Variants in NCAM1 observed in about 807,000 individuals in gnomAD.
The protein encoded by NCAM1 is neural cell adhesion molecule 1.
NCAM1 carries 14 observed loss-of-function variants against 109.8 expected under a neutral mutation model. That is an observed-to-expected ratio of 0.13 (90% CI 0.08 to 0.20). The LOEUF is 0.20. Ranked by LOEUF, NCAM1 falls within the 10% of genes least tolerant of loss-of-function variation. The pLI is 1.00. For missense variants in NCAM1, 774 were observed against 1,109.9 expected (o/e 0.70, Z 4.30); for synonymous variants, 418 against 442.9 (o/e 0.94, Z 0.70).
At chr11:113,064,892 A>T (rs1937874967) in intron 1 of NCAM1, among the ~76,000 whole-genome samples, 1 of 152,238 alleles carries the variant, frequency 6.6e-6, no homozygotes, top group South Asian at 2.1e-4. Context: ...ATTTATAGGT[A>T]TGTGTATATA....
At chr11:113,194,553 GT>G (rs1360385520) in intron 1 of NCAM1, among the ~76,000 whole-genome samples, 1 of 152,132 alleles carries the variant, frequency 6.6e-6, no homozygotes, top group Non-Finnish European at 1.5e-5. Flanking sequence ...AGTGCATTTG[GT>G]TTAGAGATGT....
chr11:113,008,984 G>A (rs892477163), intron 1 of NCAM1, among the ~76,000 whole-genome samples: 2 of 152,154 alleles, frequency 1.3e-5, no homozygotes, highest in Admixed American at 6.5e-5. Context: ...TTTTCTGACC[G>A]ATCTCCCATG....
At chr11:112,999,561 A>G (rs1206082190) in intron 1 of NCAM1, among the ~76,000 whole-genome samples, 1 of 152,130 alleles carries the variant, frequency 6.6e-6, no homozygotes, top group Non-Finnish European at 1.5e-5. Flanking sequence ...TGTTTTGCAG[A>G]GATTTTTTTT....
At chr11:113,034,916 T>G (rs1355914935) in intron 1 of NCAM1, among the ~76,000 whole-genome samples, 1 of 152,190 alleles carries the variant, frequency 6.6e-6, no homozygotes, top group Non-Finnish European at 1.5e-5. Flanking sequence ...AAATATTCTG[T>G]TATTATCATA....
At chr11:113,103,763 A>C (rs1288195178) in intron 1 of NCAM1, among the ~76,000 whole-genome samples, 1 of 152,174 alleles carries the variant, frequency 6.6e-6, no homozygotes, top group Non-Finnish European at 1.5e-5. Context: ...TCTCTGCCAC[A>C]GCTGCTCAAC....
intron 1 of NCAM1, among the ~76,000 whole-genome samples, chr11:113,123,880 C>T (rs1311096100): frequency 3.9e-5 from 6 of 152,178 alleles, no homozygotes; most frequent in African/African-American, 1.4e-4. Flanking sequence ...TTGGGAAGCT[C>T]GCTCATCCTA....
intron 17 of NCAM1, among the ~76,000 whole-genome samples, chr11:113,262,590 C>T (rs1251176880): frequency 6.6e-6 from 1 of 152,218 alleles, no homozygotes; most frequent in African/African-American, 2.4e-5. Context: ...TGAACCCTCT[C>T]TAACCTTTGT....
intron 1 of NCAM1, among the ~76,000 whole-genome samples, chr11:113,011,930 T>C (rs1555074454): frequency 6.6e-6 from 1 of 151,902 alleles, no homozygotes; most frequent in Non-Finnish European, 1.5e-5. Flanking sequence ...TCTTTCCTTC[T>C]TTCCTTCTCT....
intron 1 of NCAM1, among the ~76,000 whole-genome samples, chr11:112,985,198 A>G (rs1009276522): frequency 6.6e-6 from 1 of 150,918 alleles, no homozygotes; most frequent in African/African-American, 2.4e-5. Flanking sequence ...ATGTAATGCC[A>G]CATATCCTTG....
In NCAM1 at chr11:112,963,698, G is replaced by A. The variant is rs1266378043; in HGVS notation, c.52+2034G>A. On this transcript the variant is annotated intron_variant, in intron 1 of 19. Transcript: ENST00000316851. This position sits in a 1 kb window ranked among gnomAD's most constrained non-coding sequence, Gnocchi z 4.6. Reference sequence around the variant, plus strand: ...TTGAGACATCCTCGCCCCCGGGTGGGAGCGTGACAATGGAGCCCGGATATT... The same window carrying A: ...TTGAGACATCCTCGCCCCCGGGTGGAAGCGTGACAATGGAGCCCGGATATT... Among the ~76,000 whole-genome samples the A allele has an allele frequency of 1.3e-5, 2 of 152,228 alleles. No homozygotes were observed. The highest frequency in any genetic ancestry group is 1.3e-4 in the Admixed American group (2 of 15,286).
At chr11:112,971,163 G>A (rs1950869079) in intron 1 of NCAM1, among the ~76,000 whole-genome samples, 2 of 151,520 alleles carry the variant, frequency 1.3e-5, no homozygotes, top group Admixed American at 1.3e-4. Flanking sequence ...AGAGAAGGAG[G>A]GAAGAAGTGG....
chr11:113,058,996 A>G (rs1953820691), intron 1 of NCAM1, among the ~76,000 whole-genome samples: 2 of 152,148 alleles, frequency 1.3e-5, no homozygotes, highest in South Asian at 4.2e-4. Context: ...CATGTATTTC[A>G]TTAATACATT....
intron 11 of NCAM1, 73 bp downstream of exon 11, chr11:113,232,427 C>G: frequency 7.1e-7 from 1 of 1,415,436 alleles, no homozygotes; most frequent in Non-Finnish European, 9.7e-7. Context: ...AAATGCAGCT[C>G]AAGTCCTCTC....
intron 1 of NCAM1, among the ~76,000 whole-genome samples, chr11:113,021,194 G>A (rs1037789523): frequency 8.5e-5 from 13 of 152,190 alleles, no homozygotes; most frequent in East Asian, 3.8e-4. Flanking sequence ...AAGTGCTTTC[G>A]TCACATTTGA....
At chr11:113,019,375 G>A (rs1455978855) in intron 1 of NCAM1, among the ~76,000 whole-genome samples, 1 of 152,206 alleles carries the variant, frequency 6.6e-6, no homozygotes, top group Non-Finnish European at 1.5e-5. Flanking sequence ...CGAGGAGCTC[G>A]TAGTGCTAAC....
chr11:113,058,232 C>T (rs571879542), intron 1 of NCAM1, among the ~76,000 whole-genome samples: 10 of 150,684 alleles, frequency 6.6e-5, no homozygotes, highest in Admixed American at 3.3e-4. Flanking sequence ...TGCAGTGAGC[C>T]GAGATCTCAC....
At chr11:113,168,524 T>A (rs146345259) in intron 1 of NCAM1, among the ~76,000 whole-genome samples, 54 of 152,338 alleles carry the variant, frequency 3.5e-4, no homozygotes, top group Non-Finnish European at 7.1e-4. Flanking sequence ...CCAGATTGGT[T>A]TACACCCTGC....
At chr11:113,044,285 G>A (rs941052193) in intron 1 of NCAM1, among the ~76,000 whole-genome samples, 5 of 152,040 alleles carry the variant, frequency 3.3e-5, no homozygotes, top group Non-Finnish European at 7.4e-5. Flanking sequence ...TTTTGAGGGA[G>A]GATAAGAAAG....
At chr11:113,073,051 CT>C (rs1938359268) in intron 1 of NCAM1, among the ~76,000 whole-genome samples, 1 of 152,162 alleles carries the variant, frequency 6.6e-6, no homozygotes, top group African/African-American at 2.4e-5. Flanking sequence ...GTTCTACTTT[CT>C]GTCTCTAGGA....
Sources: allele counts gnomAD v4.1 joint callset (sites outside exome capture counted in the v4.1 genomes callset), GRCh38; gene constraint gnomAD v4.1.1; non-coding constraint Gnocchi (gnomAD v3.1); transcripts MANE v1.5; gene names NCBI Gene and HGNC (gene_info 2026-07-23, HGNC 2026-07-21).